The following ZPBP variants were observed in gnomAD, a reference collection of about 807,000 sequenced individuals.
The protein encoded by ZPBP is zona pellucida-binding protein 1.
Under a neutral mutation model 44.8 loss-of-function variants are expected in ZPBP, and 26 were observed. That is an observed-to-expected ratio of 0.58 (90% confidence interval 0.43 to 0.81). ZPBP has a LOEUF of 0.81. ZPBP is among the 30% of genes least tolerant of loss of function. The pLI, the probability that ZPBP is intolerant of heterozygous loss-of-function variation, is 0.00. For missense variants in ZPBP, 409 were observed against 434.0 expected (o/e 0.94, Z 0.51); for synonymous variants, 174 against 153.2 (o/e 1.14, Z -1.00).
intron 2 of ZPBP, among the ~76,000 whole-genome samples, chr7:49,869,189 T>C (rs1791032359): frequency 6.6e-6 from 1 of 152,144 alleles, no homozygotes; most frequent in African/African-American, 2.4e-5. Flanking sequence ...TAAAACATGG[T>C]ATCCTACAGC....
chr7:49,862,950 C>T (rs1204687017), intron 2 of ZPBP, among the ~76,000 whole-genome samples: 1 of 152,144 alleles, frequency 6.6e-6, no homozygotes, highest in Non-Finnish European at 1.5e-5. Flanking sequence ...CTCAATCTGG[C>T]TTTGGTATCA....
In ZPBP at chr7:50,092,919, C is replaced by T. The variant is rs964525433; in HGVS notation, c.127+149G>A. 2.4e-6 allele frequency: 3 copies of T among 1,232,640 alleles called. No homozygotes were observed. In the African/African-American group the frequency reaches 4.8e-5, roughly 20 times the overall value. 76.4% of individuals were successfully genotyped at this position (1,232,640 alleles called of 1,614,324 possible). On this transcript the variant is annotated intron_variant, in intron 1 of 7. Transcript: ENST00000046087. Reference sequence around the variant, plus strand: ...AATGCAGAGTGACTTTGTACGACTTCCATAAAAAATAAGCCTTTCTTGTCA... The same window carrying T: ...AATGCAGAGTGACTTTGTACGACTTTCATAAAAAATAAGCCTTTCTTGTCA...
rs73337754 is a variant in ZPBP, at chr7:50,089,022, A to G, written c.208+607T>C. Among the ~76,000 whole-genome samples, 497 of 152,208 alleles carry G rather than the reference A, an allele frequency of 3.3e-3. 2 individuals are homozygous for G. Among genetic ancestry groups the G allele is most frequent in the African/African-American group, 0.011 (478 of 41,572 alleles). On this transcript the variant is annotated intron_variant, in intron 2 of 7. Coordinates refer to ENST00000046087, the MANE Select transcript of ZPBP (RefSeq NM_007009.3). ...ATAGTGTATGACTCCATTTATATGA[A>G]ATTTCCAGAACAGGCAAACCTATAG...
chr7:49,852,429 C>T (rs1195164889), intron 2 of ZPBP, among the ~76,000 whole-genome samples: 4 of 152,334 alleles, frequency 2.6e-5, no homozygotes, highest in East Asian at 1.9e-4. Flanking sequence ...TGCTGTTTTG[C>T]ACTTGCTAGA....
At chr7:49,967,526 A>ATT (rs932338274) in intron 7 of ZPBP, among the ~76,000 whole-genome samples, 3 of 151,790 alleles carry the variant, frequency 2.0e-5, no homozygotes, top group African/African-American at 7.3e-5. Flanking sequence ...ATGGGATGAG[A>ATT]TTTATTTTAT....
chr7:49,841,378 T>G, the ZPBP span, among the ~76,000 whole-genome samples: 2 of 151,918 alleles, frequency 1.3e-5, no homozygotes, highest in Non-Finnish European at 2.9e-5. Flanking sequence ...CTCAAAGTAC[T>G]GTAGGCAAGC....
intron 2 of ZPBP, among the ~76,000 whole-genome samples, chr7:49,888,076 C>G (rs1791974302): frequency 6.6e-6 from 1 of 152,182 alleles, no homozygotes; most frequent in African/African-American, 2.4e-5. Context: ...CATCTCTGTC[C>G]AACTCAGAGA....
chr7:50,092,051 C>A (rs893502309), intron 1 of ZPBP, among the ~76,000 whole-genome samples: 1 of 152,016 alleles, frequency 6.6e-6, no homozygotes, highest in East Asian at 1.9e-4. Context: ...ATATAAGAGG[C>A]CTTCACTATT....
At chr7:50,083,560 A>G (rs908760200) in intron 2 of ZPBP, among the ~76,000 whole-genome samples, 3 of 152,028 alleles carry the variant, frequency 2.0e-5, no homozygotes, top group Non-Finnish European at 4.4e-5. Flanking sequence ...ATTCTATAAC[A>G]GAAAAGCAAA....
At chr7:49,901,896 T>TAACACTGTTTGCTAACACTGTTAGCA (rs1792755040) in intron 1 of ZPBP, among the ~76,000 whole-genome samples, 1 of 151,936 alleles carries the variant, frequency 6.6e-6, no homozygotes, top group Admixed American at 6.6e-5. Context: ...CACTGTTAGC[T>TAACACTGTTTGCTAACACTGTTAGCA]AACACTGTTT....
intron 1 of ZPBP, among the ~76,000 whole-genome samples, chr7:49,911,738 AT>A (rs765228671): frequency 6.6e-6 from 1 of 151,744 alleles, no homozygotes; most frequent in Non-Finnish European, 1.5e-5. Flanking sequence ...TTCTACAAAA[AT>A]TACAAAAACT....
At chr7:49,919,661 T>C (rs916038671) in intron 1 of ZPBP, 8 of 152,244 alleles carry the variant, frequency 5.3e-5, no homozygotes, top group Admixed American at 5.2e-4. Context: ...AGGTGTATGC[T>C]ATTTCTTAAA....
chr7:50,070,325 C>T (rs2128841401), intron 3 of ZPBP, among the ~76,000 whole-genome samples: 1 of 152,340 alleles, frequency 6.6e-6, no homozygotes, highest in East Asian at 1.9e-4. Flanking sequence ...CCCCTTCATC[C>T]CTATGGGAAG....
intron 7 of ZPBP, among the ~76,000 whole-genome samples, chr7:49,979,853 TATATA>T (rs56107100): frequency 0.8 from 93,155 of 117,128 alleles, 37,319 homozygotes; most frequent in East Asian, 0.89. Context: ...ATATAAAATA[TATATA>T]ATATAATATA....
chr7:49,943,938 T>A (rs1794993654), intron 7 of ZPBP: 1 of 325,938 alleles, frequency 3.1e-6, no homozygotes, highest in Admixed American at 3.9e-5. Context: ...CAGTGGACAT[T>A]TCAGCATTTT....
Position 49,858,613 on chromosome 7 carries a change from G to A in ZPBP, n.510-8099C>T, listed in dbSNP as rs1437636403. On this transcript the variant is annotated intron_variant and non_coding_transcript_variant, in intron 2 of 2. Transcript: ENST00000465922. ...AGATATACCTAATGTTAAATGACGA[G>A]TTAATGGGTGCAGCACACCAACACG... Among the ~76,000 whole-genome samples, 8 of 151,016 alleles carry A rather than the reference G, an allele frequency of 5.3e-5. No homozygotes were observed. The East Asian group carries it at 1.6e-3, about 29-fold the overall frequency.
At chr7:49,903,782 A>G (rs1377771104) in intron 1 of ZPBP, among the ~76,000 whole-genome samples, 1 of 152,238 alleles carries the variant, frequency 6.6e-6, no homozygotes. Flanking sequence ...ACAGGGACAC[A>G]CACAAAGAGT....
intron 2 of ZPBP, among the ~76,000 whole-genome samples, chr7:49,851,424 C>T (rs901709273): frequency 1.3e-5 from 2 of 152,196 alleles, no homozygotes; most frequent in African/African-American, 4.8e-5. Context: ...AGCAGACGGG[C>T]ACTTAAGGAT....
intron 4 of ZPBP, among the ~76,000 whole-genome samples, chr7:50,047,096 G>T (rs988280993): frequency 6.6e-6 from 1 of 152,112 alleles, no homozygotes; most frequent in Non-Finnish European, 1.5e-5. Context: ...GCTGAACAAT[G>T]AGAACACATG....
Sources: gnomAD v4.1 joint callset for allele counts (sites outside exome capture counted in the v4.1 genomes callset) on GRCh38, gnomAD v4.1.1 for gene constraint, MANE v1.5 for transcripts, NCBI Gene and HGNC (gene_info 2026-07-23, HGNC 2026-07-21) for gene names.